AKAP19: variants seen among roughly 807,000 people sequenced by gnomAD.
The protein encoded by AKAP19 is A-kinase anchoring protein 19.
At chr2:190,120,087 G>A in the AKAP19 span, among the ~76,000 whole-genome samples, 2 of 152,200 alleles carry the variant, frequency 1.3e-5, no homozygotes, top group African/African-American at 4.8e-5. Flanking sequence ...TGGCCTGTTA[G>A]GAACCAGGCC....
chr2:189,939,709 CAG>C, the AKAP19 span, among the ~76,000 whole-genome samples: 51 of 152,244 alleles, frequency 3.3e-4, no homozygotes, highest in African/African-American at 1.2e-3. Context: ...GATAATTTAA[CAG>C]AGAGATTGAA....
At chr2:190,034,611 A>G in the AKAP19 span, among the ~76,000 whole-genome samples, 1 of 150,040 alleles carries the variant, frequency 6.7e-6, no homozygotes, top group Non-Finnish European at 1.5e-5. Context: ...TTGGGAGGCC[A>G]AGGAGGGCGG....
the AKAP19 span, among the ~76,000 whole-genome samples, chr2:190,049,920 G>A: frequency 6.6e-6 from 1 of 152,146 alleles, no homozygotes; most frequent in Non-Finnish European, 1.5e-5. Flanking sequence ...TAGAATGTAT[G>A]TTATTTCCAA....
chr2:189,887,492 C>T, the AKAP19 span, among the ~76,000 whole-genome samples: 3 of 152,122 alleles, frequency 2.0e-5, no homozygotes, highest in Non-Finnish European at 4.4e-5. Flanking sequence ...GGTGTATACC[C>T]AAAGTAATGG....
the AKAP19 span, among the ~76,000 whole-genome samples, chr2:189,987,024 T>A: frequency 8.5e-5 from 13 of 152,170 alleles, no homozygotes; most frequent in Non-Finnish European, 1.8e-4. Context: ...ATGTAGTTAC[T>A]GGCATATAAA....
chr2:189,946,573 T>C, the AKAP19 span, among the ~76,000 whole-genome samples: 1 of 152,238 alleles, frequency 6.6e-6, no homozygotes, highest in Non-Finnish European at 1.5e-5. Context: ...ATATGATTTT[T>C]AGACACTTGA....
the AKAP19 span, chr2:190,095,690 A>G: frequency 6.6e-6 from 1 of 151,558 alleles, no homozygotes; most frequent in East Asian, 1.9e-4. Context: ...AATCAGAAAC[A>G]TATATGGTGG....
the AKAP19 span, among the ~76,000 whole-genome samples, chr2:190,074,334 C>T: frequency 6.6e-6 from 1 of 151,876 alleles, no homozygotes; most frequent in Non-Finnish European, 1.5e-5. Context: ...ATTTAAAATG[C>T]ACAGTTTTGA....
the AKAP19 span, among the ~76,000 whole-genome samples, chr2:189,938,593 G>A: frequency 3.9e-5 from 6 of 152,134 alleles, no homozygotes; most frequent in Admixed American, 3.9e-4. Context: ...GGGTGGTGGG[G>A]ATGGTTAATG....
At chr2:190,074,660 AAAAGAG>A in the AKAP19 span, among the ~76,000 whole-genome samples, 645 of 152,238 alleles carry the variant, frequency 4.2e-3, 7 homozygotes, top group African/African-American at 0.015. Flanking sequence ...TCAAAAAAAA[AAAAGAG>A]AGAAAAGGAG....
At chr2:189,964,285 A>G in the AKAP19 span, among the ~76,000 whole-genome samples, 1 of 152,206 alleles carries the variant, frequency 6.6e-6, no homozygotes, top group Non-Finnish European at 1.5e-5. Flanking sequence ...AATATTCAGT[A>G]ACCCATGCTC....
the AKAP19 span, among the ~76,000 whole-genome samples, chr2:189,951,564 CT>C: frequency 6.6e-6 from 1 of 152,126 alleles, no homozygotes; most frequent in East Asian, 1.9e-4. Flanking sequence ...TTGGTAAATG[CT>C]TTAAGTACTT....
chr2:189,942,399 GC>G, the AKAP19 span, among the ~76,000 whole-genome samples: 19 of 152,166 alleles, frequency 1.2e-4, no homozygotes, highest in African/African-American at 4.1e-4. Flanking sequence ...TTCCTGTAAA[GC>G]CTGAAGAACC....
the AKAP19 span, among the ~76,000 whole-genome samples, chr2:190,178,447 G>A: frequency 3.2e-4 from 48 of 152,264 alleles, 1 homozygote; most frequent in African/African-American, 7.7e-4. The surrounding 1 kb of genome is among the most constrained non-coding windows in gnomAD (Gnocchi z 6.3). Flanking sequence ...GTGGTGGTGC[G>A]GTCTCCCCAC....
the AKAP19 span, among the ~76,000 whole-genome samples, chr2:190,015,767 C>T: frequency 3.3e-5 from 5 of 152,182 alleles, no homozygotes; most frequent in Admixed American, 6.5e-5. Flanking sequence ...TAAGACTTAA[C>T]ACTTTCAAAA....
At chr2:190,101,675 A>AG in the AKAP19 span, among the ~76,000 whole-genome samples, 1 of 151,078 alleles carries the variant, frequency 6.6e-6, no homozygotes, top group African/African-American at 2.4e-5. Context: ...AGATTCATTT[A>AG]GGAAAAAAAA....
the AKAP19 span, among the ~76,000 whole-genome samples, chr2:189,994,028 T>G: frequency 6.6e-6 from 1 of 152,014 alleles, no homozygotes; most frequent in Admixed American, 6.6e-5. Context: ...TTTTTTTTTT[T>G]TGAGTTGGAG....
chr2:190,004,088 A>ATC, the AKAP19 span, among the ~76,000 whole-genome samples: 13 of 145,596 alleles, frequency 8.9e-5, no homozygotes, highest in African/African-American at 3.2e-4. Context: ...AATATAGTTA[A>ATC]TCTCTCTCTC....
chr2:189,913,502 A>G, the AKAP19 span, among the ~76,000 whole-genome samples: 1 of 152,098 alleles, frequency 6.6e-6, no homozygotes, highest in African/African-American at 2.4e-5. Context: ...TGTTACATTT[A>G]TTGTATTTGC....
Sources: allele counts gnomAD v4.1 joint callset (sites outside exome capture counted in the v4.1 genomes callset), GRCh38; gene constraint gnomAD v4.1.1; non-coding constraint Gnocchi (gnomAD v3.1); transcripts MANE v1.5; gene names NCBI Gene and HGNC (gene_info 2026-07-23, HGNC 2026-07-21).